KCNB2: variants seen among roughly 807,000 people sequenced by gnomAD.
KCNB2 encodes the protein delayed rectifier potassium channel protein.
KCNB2 carries 15 observed loss-of-function variants against 61.5 expected under a neutral mutation model. That is an observed-to-expected ratio of 0.24 (90% confidence interval 0.16 to 0.38). The LOEUF (loss-of-function observed/expected upper bound fraction) is 0.38. Among genes scored for constraint, KCNB2 ranks in the 10% least tolerant of loss-of-function variants. KCNB2 has a pLI of 1.00. For missense variants in KCNB2, 828 were observed against 1,125.2 expected, an observed-to-expected ratio of 0.74 and a Z score of 3.78; for synonymous variants, 457 against 446.0, an observed-to-expected ratio of 1.02 and a Z score of -0.31.
chr8:72,786,112 C>A (rs1808842381), intron 2 of KCNB2, among the ~76,000 whole-genome samples: 1 of 150,690 alleles, frequency 6.6e-6, no homozygotes, highest in African/African-American at 2.4e-5. Flanking sequence ...ATGCTCACTG[C>A]TTATCTGTTT....
intron 2 of KCNB2, among the ~76,000 whole-genome samples, chr8:72,605,254 T>C (rs1198018571): frequency 6.6e-6 from 1 of 152,178 alleles, no homozygotes; most frequent in African/African-American, 2.4e-5. Flanking sequence ...AGCTGGGACA[T>C]GGCATTAGCA....
chr8:72,619,371 G>T, intron 2 of KCNB2: 1 of 532,802 alleles, frequency 1.9e-6, no homozygotes, highest in Non-Finnish European at 3.7e-6. Context: ...ATATTCACTT[G>T]CTTTCTGCCT....
At chr8:72,731,746 A>G (rs1434571757) in intron 2 of KCNB2, among the ~76,000 whole-genome samples, 1 of 152,234 alleles carries the variant, frequency 6.6e-6, no homozygotes, top group Admixed American at 6.5e-5. Context: ...AGAAAAACAG[A>G]TCATAAATCA....
chr8:72,551,022 A>G (rs984263550), intron 1 of KCNB2, among the ~76,000 whole-genome samples: 6 of 152,132 alleles, frequency 3.9e-5, no homozygotes, highest in Non-Finnish European at 7.3e-5. Flanking sequence ...GGGCCTACAC[A>G]GTTAAGACAT....
At chr8:72,770,116 G>A (rs1364390356) in intron 2 of KCNB2, among the ~76,000 whole-genome samples, 1 of 152,084 alleles carries the variant, frequency 6.6e-6, no homozygotes, top group Non-Finnish European at 1.5e-5. Context: ...CAAACTATAG[G>A]AGCACCATAG....
At chr8:72,849,571 A>G (rs908756907) in intron 2 of KCNB2, among the ~76,000 whole-genome samples, 6 of 152,306 alleles carry the variant, frequency 3.9e-5, no homozygotes, top group Middle Eastern at 3.4e-3. Context: ...TAATCTGCCA[A>G]TCATCACTTA....
chr8:72,720,363 T>A (rs1807527621), intron 2 of KCNB2, among the ~76,000 whole-genome samples: 1 of 152,214 alleles, frequency 6.6e-6, no homozygotes, highest in South Asian at 2.1e-4. Flanking sequence ...TAGTCCTTGC[T>A]GTTTTGCTGT....
intron 2 of KCNB2, among the ~76,000 whole-genome samples, chr8:72,666,970 G>GT (rs918461131): frequency 2.0e-5 from 3 of 149,780 alleles, no homozygotes; most frequent in Non-Finnish European, 4.4e-5. Flanking sequence ...TTCAGATTCT[G>GT]TTTTTTCCAC....
chr8:72,592,803 T>G (rs1296459990), intron 2 of KCNB2, among the ~76,000 whole-genome samples: 1 of 152,168 alleles, frequency 6.6e-6, no homozygotes. Context: ...TTTTGTGCAC[T>G]AAGCTTCTGA....
At chr8:72,802,350 T>G (rs1231585050) in intron 2 of KCNB2, among the ~76,000 whole-genome samples, 1 of 152,136 alleles carries the variant, frequency 6.6e-6, no homozygotes, top group Non-Finnish European at 1.5e-5. Context: ...TAACACAGAG[T>G]ATTGTCTTCA....
chr8:72,645,361 A>G (rs1032744526), intron 2 of KCNB2, among the ~76,000 whole-genome samples: 19 of 151,850 alleles, frequency 1.3e-4, no homozygotes, highest in African/African-American at 4.4e-4. Flanking sequence ...CTGCTCCTGT[A>G]CTCTTCACAT....
intron 2 of KCNB2, among the ~76,000 whole-genome samples, chr8:72,904,655 A>T (rs1010024438): frequency 1.3e-4 from 20 of 151,970 alleles, no homozygotes; most frequent in Non-Finnish European, 2.5e-4. Flanking sequence ...ATGTTTTTTT[A>T]TTTTTTTAAT....
intron 2 of KCNB2, among the ~76,000 whole-genome samples, chr8:72,767,620 A>G (rs1808481722): frequency 6.6e-6 from 1 of 152,302 alleles, no homozygotes; most frequent in Admixed American, 6.5e-5. Context: ...TTATTTATCC[A>G]TTCATCCATT....
intron 2 of KCNB2, among the ~76,000 whole-genome samples, chr8:72,717,269 A>G (rs1390173512): frequency 2.6e-5 from 4 of 152,234 alleles, no homozygotes; most frequent in Non-Finnish European, 5.9e-5. Flanking sequence ...TGCCATCCAC[A>G]TCAAGCTACC....
chr8:72,663,092 T>C (rs1806406667), intron 2 of KCNB2, among the ~76,000 whole-genome samples: 1 of 152,262 alleles, frequency 6.6e-6, no homozygotes. Context: ...TGGGAACCAA[T>C]TGCTTTACCG....
chr8:72,813,271 C>T (rs2129000557), intron 2 of KCNB2, among the ~76,000 whole-genome samples: 1 of 152,214 alleles, frequency 6.6e-6, no homozygotes, highest in East Asian at 1.9e-4. Flanking sequence ...GAAGTTATTT[C>T]AGAAGCTCTG....
At chr8:72,823,680 C>A (rs1305824651) in intron 2 of KCNB2, among the ~76,000 whole-genome samples, 1 of 152,206 alleles carries the variant, frequency 6.6e-6, no homozygotes, top group Non-Finnish European at 1.5e-5. Flanking sequence ...CATTTACTTT[C>A]ATTGTCTCAT....
intron 2 of KCNB2, among the ~76,000 whole-genome samples, chr8:72,908,205 A>T (rs1041768973): frequency 3.3e-5 from 5 of 152,062 alleles, no homozygotes; most frequent in Admixed American, 1.3e-4. Flanking sequence ...TTTTCTCCCC[A>T]TTTTATACTT....
chr8:72,574,537 G>A (rs954276747), intron 2 of KCNB2, among the ~76,000 whole-genome samples: 6 of 152,040 alleles, frequency 3.9e-5, no homozygotes, highest in Admixed American at 2.6e-4. Context: ...GCACTTTTTG[G>A]TTCCTCTTTG....
Sources: allele counts gnomAD v4.1 joint callset (sites outside exome capture counted in the v4.1 genomes callset), GRCh38; gene constraint gnomAD v4.1.1; transcripts MANE v1.5; gene names NCBI Gene and HGNC (gene_info 2026-07-23, HGNC 2026-07-21).